The following GLIS3 variants were observed in gnomAD, a reference collection of about 807,000 sequenced individuals.
The protein encoded by GLIS3 is GLIS family zinc finger 3.
GLIS3 carries 53 observed loss-of-function variants against 78.6 expected under a neutral mutation model. The ratio of observed to expected loss-of-function variants is 0.67; its 90% confidence interval spans 0.54 to 0.85. The LOEUF (loss-of-function observed/expected upper bound fraction) is 0.85, where lower values mean the gene tolerates loss of function less well. Among genes scored for constraint, GLIS3 ranks in the 40% least tolerant of loss-of-function variants. GLIS3 has a pLI of 0.00. For synonymous variants in GLIS3, 684 were observed against 509.9 expected, an observed-to-expected ratio of 1.34 and a Z score of -4.60; for missense variants, 1,703 against 1,231.1, an observed-to-expected ratio of 1.38 and a Z score of -5.74.
At chr9:4,214,691 T>A (rs1349385990) in intron 2 of GLIS3, among the ~76,000 whole-genome samples, 1 of 152,238 alleles carries the variant, frequency 6.6e-6, no homozygotes, top group African/African-American at 2.4e-5. Flanking sequence ...GACGCTGTAT[T>A]CTTTCCTAAG....
intron 4 of GLIS3, among the ~76,000 whole-genome samples, chr9:3,983,149 G>T (rs754021890): frequency 6.6e-6 from 1 of 152,180 alleles, no homozygotes; most frequent in Non-Finnish European, 1.5e-5. Context: ...GGTCTTTCCT[G>T]TGCTGTTCTC....
At chr9:4,393,557 G>C in the GLIS3 span, among the ~76,000 whole-genome samples, 1 of 152,020 alleles carries the variant, frequency 6.6e-6, no homozygotes, top group Admixed American at 6.6e-5. Flanking sequence ...GTCATGTTTT[G>C]TTAGTCCCCT....
At chr9:4,155,052 T>A (rs1239450476) in intron 2 of GLIS3, among the ~76,000 whole-genome samples, 2 of 152,200 alleles carry the variant, frequency 1.3e-5, no homozygotes, top group African/African-American at 2.4e-5. Flanking sequence ...GACACATGCA[T>A]GTATTTGCTT....
chr9:3,924,591 C>A (rs1184083885), intron 6 of GLIS3, among the ~76,000 whole-genome samples: 2 of 152,176 alleles, frequency 1.3e-5, no homozygotes, highest in African/African-American at 4.8e-5. Flanking sequence ...CTTCACAGAT[C>A]AGAGAGCCAA....
At chr9:4,400,438 T>C in the GLIS3 span, among the ~76,000 whole-genome samples, 1 of 152,192 alleles carries the variant, frequency 6.6e-6, no homozygotes, top group Middle Eastern at 3.2e-3. Flanking sequence ...TAAAAGAATG[T>C]GATTATGAGA....
intron 2 of GLIS3, among the ~76,000 whole-genome samples, chr9:4,271,447 G>A (rs1342734332): frequency 6.6e-6 from 1 of 152,144 alleles, no homozygotes; most frequent in Non-Finnish European, 1.5e-5. Context: ...CTGTTTCCCT[G>A]TAGAACTCTG....
At chr9:4,233,452 C>A (rs1464630236) in intron 2 of GLIS3, among the ~76,000 whole-genome samples, 3 of 152,214 alleles carry the variant, frequency 2.0e-5, no homozygotes, top group African/African-American at 7.2e-5. Flanking sequence ...CTTCAGTAAC[C>A]AGGTGCATTG....
At chr9:4,030,357 A>T (rs954821017) in intron 4 of GLIS3, among the ~76,000 whole-genome samples, 1 of 152,208 alleles carries the variant, frequency 6.6e-6, no homozygotes, top group Non-Finnish European at 1.5e-5. Flanking sequence ...ATCCCTTGTC[A>T]AATGGGTAGT....
chr9:4,080,929 G>C (rs1242797645), intron 4 of GLIS3, among the ~76,000 whole-genome samples: 3 of 152,174 alleles, frequency 2.0e-5, no homozygotes, highest in African/African-American at 7.2e-5. Flanking sequence ...CGGTGTTTGA[G>C]GTGGGTCTGC....
At chr9:3,965,430 G>C (rs1817870684) in intron 4 of GLIS3, among the ~76,000 whole-genome samples, 1 of 151,992 alleles carries the variant, frequency 6.6e-6, no homozygotes, top group African/African-American at 2.4e-5. Context: ...TTGACCTCAG[G>C]TGATCTGCCC....
intron 4 of GLIS3, among the ~76,000 whole-genome samples, chr9:4,084,090 A>T (rs902859084): frequency 4.6e-5 from 7 of 152,140 alleles, no homozygotes; most frequent in Non-Finnish European, 1.0e-4. Context: ...CAACTTTTCC[A>T]GGTCTGTTTT....
intron 2 of GLIS3, among the ~76,000 whole-genome samples, chr9:4,239,499 T>A (rs926344166): frequency 2.6e-5 from 4 of 152,142 alleles, no homozygotes; most frequent in African/African-American, 9.7e-5. Flanking sequence ...CTCTACTTCA[T>A]CATTAATGAG....
chr9:3,903,332 C>T (rs183173708), intron 6 of GLIS3, among the ~76,000 whole-genome samples: 9 of 152,330 alleles, frequency 5.9e-5, no homozygotes, highest in Non-Finnish European at 8.8e-5. Context: ...AGTTTATTAC[C>T]TGCTGTTAGC....
At chr9:4,430,858 A>T in the GLIS3 span, among the ~76,000 whole-genome samples, 1 of 150,614 alleles carries the variant, frequency 6.6e-6, no homozygotes, top group Non-Finnish European at 1.5e-5. Flanking sequence ...GTTCATGTTT[A>T]TCTCTGGGTT....
chr9:3,986,930 C>G (rs1257542941), intron 4 of GLIS3, among the ~76,000 whole-genome samples: 1 of 152,126 alleles, frequency 6.6e-6, no homozygotes, highest in African/African-American at 2.4e-5. Flanking sequence ...CACCCATCAA[C>G]TAAGAACCAA....
chr9:4,098,911 T>G (rs1241132193), intron 4 of GLIS3, among the ~76,000 whole-genome samples: 1 of 152,176 alleles, frequency 6.6e-6, no homozygotes, highest in African/African-American at 2.4e-5. Context: ...GGTCTCAATG[T>G]GTTGATCCCA....
At chr9:4,117,392 T>A (rs1224440496) in intron 4 of GLIS3, among the ~76,000 whole-genome samples, 1 of 152,206 alleles carries the variant, frequency 6.6e-6, no homozygotes, top group Non-Finnish European at 1.5e-5. Context: ...AAAAAGTCAC[T>A]GCATATTTGC....
chr9:4,025,384 A>G lies in GLIS3; in HGVS notation c.1711-88195T>C, dbSNP rs138542022. The stretch of plus-strand genomic sequence containing the variant: ...CAACGCTTTGACCCTTGGTTGGTTT[A>G]TTTGTTTGCTTGTTTGTTTTTTGAG... On this transcript the variant is annotated intron_variant, in intron 4 of 10. Transcript: ENST00000381971. Among the ~76,000 whole-genome samples, 6 of 152,078 alleles carry G rather than the reference A, an allele frequency of 3.9e-5. No homozygotes were observed. In the East Asian group the frequency reaches 7.7e-4, roughly 20 times the overall value.
intron 2 of GLIS3, among the ~76,000 whole-genome samples, chr9:4,133,825 TACACACACACAC>T (rs138728219): frequency 1.6e-4 from 20 of 121,800 alleles, no homozygotes; most frequent in East Asian, 6.3e-4. Context: ...CAAGACCTTC[TACACACACACAC>T]ACACACACAC....
Sources: gnomAD v4.1 joint callset for allele counts (sites outside exome capture counted in the v4.1 genomes callset) on GRCh38, gnomAD v4.1.1 for gene constraint, MANE v1.5 for transcripts, NCBI Gene and HGNC (gene_info 2026-07-23, HGNC 2026-07-21) for gene names.